The following FBXW7 variants were observed in gnomAD, a reference collection of about 807,000 sequenced individuals.
FBXW7 encodes F-box/WD repeat-containing protein 7.
FBXW7 carries 11 observed loss-of-function variants against 86.3 expected under a neutral mutation model. That is an observed-to-expected ratio of 0.13 (90% CI 0.08 to 0.21). The LOEUF (loss-of-function observed/expected upper bound fraction) is 0.21, where lower values mean the gene tolerates loss of function less well. FBXW7 is among the 10% of genes least tolerant of loss of function. FBXW7 has a pLI of 1.00. For synonymous variants in FBXW7, 313 were observed against 297.9 expected (o/e 1.05, Z -0.52); for missense variants, 488 against 847.4 (o/e 0.58, Z 5.27).
chr4:152,362,467 T>C (rs1409402291), intron 4 of FBXW7, among the ~76,000 whole-genome samples: 2 of 152,166 alleles, frequency 1.3e-5, no homozygotes, highest in African/African-American at 2.4e-5. Flanking sequence ...TTCTTCATTT[T>C]AAACCTTTCC....
At chr4:152,532,814 A>T (rs1160699701) in intron 2 of FBXW7, among the ~76,000 whole-genome samples, 1 of 152,164 alleles carries the variant, frequency 6.6e-6, no homozygotes, top group Non-Finnish European at 1.5e-5. Flanking sequence ...TGTCTCCACC[A>T]CCTACAAGTA....
chr4:152,336,132 T>C (rs1278120521), intron 7 of FBXW7, among the ~76,000 whole-genome samples: 1 of 151,616 alleles, frequency 6.6e-6, no homozygotes, highest in African/African-American at 2.4e-5. Context: ...AAAATAGGAA[T>C]TTTTTTTTCT....
intron 2 of FBXW7, among the ~76,000 whole-genome samples, chr4:152,423,142 T>C (rs903951336): frequency 5.9e-5 from 9 of 152,174 alleles, no homozygotes; most frequent in Non-Finnish European, 1.2e-4. Flanking sequence ...CTGGTTTCCT[T>C]CTTATGATTT....
intron 4 of FBXW7, among the ~76,000 whole-genome samples, chr4:152,384,048 G>T (rs1735318162): frequency 6.6e-6 from 1 of 152,168 alleles, no homozygotes; most frequent in Non-Finnish European, 1.5e-5. Context: ...AGGATGTGGG[G>T]AAATCAGAAC....
intron 2 of FBXW7, among the ~76,000 whole-genome samples, chr4:152,485,609 T>C (rs967842652): frequency 1.3e-5 from 2 of 152,168 alleles, no homozygotes; most frequent in Non-Finnish European, 2.9e-5. Context: ...TTCTGTCTAA[T>C]GAAAAGAACC....
intron 2 of FBXW7, 120 bp downstream of exon 2, chr4:152,534,821 G>A (rs1215421854): frequency 6.6e-6 from 1 of 152,228 alleles, no homozygotes; most frequent in Non-Finnish European, 1.5e-5. Flanking sequence ...CGTGAATAAA[G>A]CTAGACTCCC....
chr4:152,528,181 CAGAG>C (rs1180467970), intron 2 of FBXW7, among the ~76,000 whole-genome samples: 2 of 151,974 alleles, frequency 1.3e-5, no homozygotes, highest in South Asian at 4.2e-4. Context: ...CAGAAACACA[CAGAG>C]AGAGAGAGGA....
intron 2 of FBXW7, among the ~76,000 whole-genome samples, chr4:152,517,484 T>C (rs1308158590): frequency 6.6e-6 from 1 of 152,148 alleles, no homozygotes; most frequent in East Asian, 1.9e-4. Flanking sequence ...CTATAAATAA[T>C]ATATAAGAAA....
At chr4:152,405,650 C>T (rs1457809681) in intron 4 of FBXW7, among the ~76,000 whole-genome samples, 1 of 152,126 alleles carries the variant, frequency 6.6e-6, no homozygotes, top group Non-Finnish European at 1.5e-5. Flanking sequence ...AACAGAAGCC[C>T]AAGCAAAAAT....
intron 4 of FBXW7, among the ~76,000 whole-genome samples, chr4:152,397,173 C>G (rs1269711302): frequency 6.6e-6 from 1 of 151,968 alleles, no homozygotes; most frequent in Non-Finnish European, 1.5e-5. Flanking sequence ...CACCAAAAGA[C>G]AGTGTAAACA....
intron 2 of FBXW7, among the ~76,000 whole-genome samples, chr4:152,419,239 AG>A (rs1738722540): frequency 6.6e-6 from 1 of 152,174 alleles, no homozygotes. Flanking sequence ...AGAAAAATGA[AG>A]TGCCATTTTG....
intron 4 of FBXW7, among the ~76,000 whole-genome samples, chr4:152,389,613 C>T (rs551443811): frequency 8.5e-4 from 130 of 152,062 alleles, no homozygotes; most frequent in Non-Finnish European, 1.7e-3. Flanking sequence ...AGAAGGGTGA[C>T]ATGCAGGGAG....
At chr4:152,517,732 G>A (rs1748628035) in intron 2 of FBXW7, among the ~76,000 whole-genome samples, 2 of 152,200 alleles carry the variant, frequency 1.3e-5, no homozygotes, top group East Asian at 3.8e-4. Context: ...AACAGTGCCT[G>A]TCACATAATA....
At chr4:152,376,921 TAACTC>T (rs1402744811) in intron 4 of FBXW7, among the ~76,000 whole-genome samples, 1 of 151,460 alleles carries the variant, frequency 6.6e-6, no homozygotes, top group Non-Finnish European at 1.5e-5. Flanking sequence ...ATCTGTGAGA[TAACTC>T]TATAACTAAA....
chr4:152,392,031 T>C (rs963695535), intron 4 of FBXW7, among the ~76,000 whole-genome samples: 4 of 152,122 alleles, frequency 2.6e-5, no homozygotes, highest in Non-Finnish European at 4.4e-5. Flanking sequence ...ATATTAAATA[T>C]GGAATGTTTT....
intron 2 of FBXW7, among the ~76,000 whole-genome samples, chr4:152,445,135 A>T (rs561741657): frequency 1.3e-5 from 2 of 152,304 alleles, no homozygotes; most frequent in South Asian, 4.1e-4. Flanking sequence ...CCTGAACCAC[A>T]CTTTGGAAAA....
intron 2 of FBXW7, among the ~76,000 whole-genome samples, chr4:152,463,630 C>A (rs60786263): frequency 0.016 from 2,437 of 152,240 alleles, 76 homozygotes; most frequent in African/African-American, 0.056. Flanking sequence ...TTAGTTCCAA[C>A]CATATAGCAA....
chr4:152,397,969 T>C (rs963212705), intron 4 of FBXW7, among the ~76,000 whole-genome samples: 2 of 151,996 alleles, frequency 1.3e-5, no homozygotes, highest in Non-Finnish European at 2.9e-5. Context: ...AGCATACTTA[T>C]ACTTCCAAAG....
chr4:152,492,190 C>T (rs1416507146), intron 2 of FBXW7, among the ~76,000 whole-genome samples: 1 of 152,098 alleles, frequency 6.6e-6, no homozygotes, highest in Admixed American at 6.5e-5. Flanking sequence ...TCAGATTCAT[C>T]CATGTCATGT....
Sources: allele counts gnomAD v4.1 joint callset (sites outside exome capture counted in the v4.1 genomes callset), GRCh38; gene constraint gnomAD v4.1.1; transcripts MANE v1.5; gene names NCBI Gene and HGNC (gene_info 2026-07-23, HGNC 2026-07-21).